Variants in CPNE4 observed in about 807,000 individuals in gnomAD.
The protein encoded by CPNE4 is copine 4.
A neutral mutation model predicts 67.9 loss-of-function variants in CPNE4; 25 were observed. The ratio of observed to expected loss-of-function variants is 0.37; its 90% CI spans 0.27 to 0.51. CPNE4 has a LOEUF of 0.51. CPNE4 is among the 20% of genes least tolerant of loss of function. The pLI, the probability that CPNE4 is intolerant of heterozygous loss-of-function variation, is 0.93. For missense variants in CPNE4, 464 were observed against 690.8 expected (o/e 0.67, Z 3.68); for synonymous variants, 242 against 244.9 (o/e 0.99, Z 0.11).
intron 7 of CPNE4, among the ~76,000 whole-genome samples, chr3:131,639,353 A>G (rs1560028467): frequency 6.6e-6 from 1 of 152,144 alleles, no homozygotes. Context: ...CCACAGAAAT[A>G]CAAAACTATT....
intron 2 of CPNE4, among the ~76,000 whole-genome samples, chr3:131,880,531 G>A (rs2087634641): frequency 6.6e-6 from 1 of 152,168 alleles, no homozygotes; most frequent in Non-Finnish European, 1.5e-5. Flanking sequence ...CTGAAGTGAA[G>A]CCATCCAACT....
chr3:131,636,432 A>G (rs1185442534), intron 7 of CPNE4, among the ~76,000 whole-genome samples: 1 of 152,094 alleles, frequency 6.6e-6, no homozygotes, highest in Admixed American at 6.6e-5. Context: ...CCCCCTAGGA[A>G]TATAACTCCA....
intron 6 of CPNE4, among the ~76,000 whole-genome samples, chr3:131,682,365 A>G (rs1456820066): frequency 2.6e-5 from 4 of 152,164 alleles, no homozygotes; most frequent in African/African-American, 9.7e-5. Flanking sequence ...GGGCATCCCA[A>G]GCTCAGTGAT....
At chr3:131,871,550 G>C (rs2087206399) in intron 2 of CPNE4, among the ~76,000 whole-genome samples, 1 of 152,180 alleles carries the variant, frequency 6.6e-6, no homozygotes, top group South Asian at 2.1e-4. Context: ...GGGGAATGAA[G>C]TGTATCAACA....
chr3:131,719,086 T>A (rs2107738196), intron 3 of CPNE4, among the ~76,000 whole-genome samples: 1 of 152,314 alleles, frequency 6.6e-6, no homozygotes, highest in East Asian at 1.9e-4. Context: ...GAGGCCAGCA[T>A]GTCACCTCAA....
intron 10 of CPNE4, 128 bp downstream of exon 10, chr3:131,574,943 A>T: frequency 1.4e-6 from 1 of 735,422 alleles, no homozygotes; most frequent in South Asian, 1.6e-5. Context: ...CGCTTCAACA[A>T]TGAGACTTGA....
intron 6 of CPNE4, among the ~76,000 whole-genome samples, chr3:131,673,174 C>T (rs1285399957): frequency 6.6e-6 from 1 of 151,974 alleles, no homozygotes; most frequent in East Asian, 1.9e-4. Context: ...TTTCTGGGTT[C>T]TCTATTCTGT....
chr3:131,744,164 A>G (rs2107785137), intron 2 of CPNE4, among the ~76,000 whole-genome samples: 1 of 151,996 alleles, frequency 6.6e-6, no homozygotes, highest in South Asian at 2.1e-4. Flanking sequence ...TTGCATATTT[A>G]TAAAGAACCA....
At position 131,566,429 on chromosome 3, in the gene CPNE4, A is replaced by G. The variant is rs578032525; in HGVS notation, c.928-2080T>C. On this transcript the variant is annotated intron_variant, in intron 10 of 15. Transcript: ENST00000429747. ...TCCTGAAGGTGAGAGCCAACCCACC[A>G]GGAAAAAAAAAAAAAAGTAAGACCA... is the stretch of plus-strand genomic sequence containing the variant. Among the ~76,000 whole-genome samples, 906 of 150,024 alleles carry G rather than the reference A, an allele frequency of 6.0e-3. 4 individuals are homozygous for G. Among genetic ancestry groups the G allele is most frequent in the Middle Eastern group, 0.021 (6 of 292 alleles).
chr3:131,624,372 C>T (rs1940628656), intron 7 of CPNE4, among the ~76,000 whole-genome samples: 1 of 152,142 alleles, frequency 6.6e-6, no homozygotes, highest in African/African-American at 2.4e-5. Flanking sequence ...TTGTGGCTTT[C>T]ACCAGAAATT....
At chr3:132,018,968 G>A (rs1025673625) in intron 1 of CPNE4, among the ~76,000 whole-genome samples, 12 of 152,148 alleles carry the variant, frequency 7.9e-5, no homozygotes, top group African/African-American at 2.2e-4. Flanking sequence ...CCACCAAAAC[G>A]TGAAATAATG....
intron 2 of CPNE4, among the ~76,000 whole-genome samples, chr3:131,862,884 G>C (rs948003736): frequency 1.7e-4 from 25 of 145,070 alleles, no homozygotes; most frequent in African/African-American, 6.5e-4. Flanking sequence ...ACAGGCCCCA[G>C]TGTGTGATGT....
At chr3:131,810,024 G>A (rs1368493744) in intron 2 of CPNE4, among the ~76,000 whole-genome samples, 1 of 151,990 alleles carries the variant, frequency 6.6e-6, no homozygotes, top group African/African-American at 2.4e-5. Flanking sequence ...AGGACGAGGA[G>A]GAGGAGAAAG....
In CPNE4 at chr3:131,767,505, C is replaced by T. The variant is rs527475235; in HGVS notation, c.181-43880G>A. ...TTTCATATTAATAGCCCAGTTGGCTCCCTTCGGCCTGACTAGGGCACAGTT... is the reference window on the plus strand; with the variant it reads ...TTTCATATTAATAGCCCAGTTGGCTTCCTTCGGCCTGACTAGGGCACAGTT... On this transcript the variant is annotated intron_variant, in intron 2 of 15. Transcript: ENST00000429747. Among the ~76,000 whole-genome samples the T allele has an allele frequency of 2.6e-5, 4 of 152,164 alleles. No homozygotes were observed. The South Asian group carries it at 8.3e-4, about 32-fold the overall frequency.
At chr3:131,782,766 C>A (rs1339402804) in intron 2 of CPNE4, among the ~76,000 whole-genome samples, 1 of 152,040 alleles carries the variant, frequency 6.6e-6, no homozygotes, top group Non-Finnish European at 1.5e-5. Flanking sequence ...TTATGCAATG[C>A]TAAACTTTTC....
At chr3:131,619,424 A>G (rs550017042) in intron 7 of CPNE4, among the ~76,000 whole-genome samples, 12 of 152,250 alleles carry the variant, frequency 7.9e-5, no homozygotes, top group Non-Finnish European at 1.6e-4. Flanking sequence ...CTATAATATG[A>G]CAGGTATTAT....
intron 1 of CPNE4, among the ~76,000 whole-genome samples, chr3:131,973,186 A>G (rs2072549122): frequency 1.3e-5 from 2 of 152,176 alleles, no homozygotes; most frequent in Admixed American, 6.5e-5. Flanking sequence ...TTAAAAGATA[A>G]TGAAACCTGA....
intron 7 of CPNE4, among the ~76,000 whole-genome samples, chr3:131,645,642 A>AT (rs569101718): frequency 8.5e-5 from 13 of 152,276 alleles, no homozygotes; most frequent in East Asian, 7.7e-4. Context: ...CAATTCATTG[A>AT]TTTTTTTATT....
intron 2 of CPNE4, among the ~76,000 whole-genome samples, chr3:131,867,290 C>G (rs921989394): frequency 6.6e-6 from 1 of 151,978 alleles, no homozygotes; most frequent in African/African-American, 2.4e-5. Flanking sequence ...GTCAGAAAAG[C>G]TAAGTTGACA....
Sources: allele counts gnomAD v4.1 joint callset (sites outside exome capture counted in the v4.1 genomes callset), GRCh38; gene constraint gnomAD v4.1.1; transcripts MANE v1.5; gene names NCBI Gene and HGNC (gene_info 2026-07-23, HGNC 2026-07-21).